The following ZBTB20 variants were observed in gnomAD, a reference collection of about 807,000 sequenced individuals.
The protein encoded by ZBTB20 is zinc finger and BTB domain-containing protein 20.
Under a neutral mutation model 56.9 loss-of-function variants are expected in ZBTB20, and 9 were observed. That is an observed-to-expected ratio of 0.16 (90% confidence interval 0.10 to 0.28). The LOEUF (loss-of-function observed/expected upper bound fraction) is 0.28, where lower values mean the gene tolerates loss of function less well. Among genes scored for constraint, ZBTB20 ranks in the 10% least tolerant of loss-of-function variants. The pLI is 1.00. For missense variants in ZBTB20, 655 were observed against 1,003.0 expected, an observed-to-expected ratio of 0.65 and a Z score of 4.69; for synonymous variants, 417 against 420.7, an observed-to-expected ratio of 0.99 and a Z score of 0.11.
intron 7 of ZBTB20, among the ~76,000 whole-genome samples, chr3:114,461,095 A>C (rs1212213324): frequency 6.6e-6 from 1 of 152,134 alleles, no homozygotes; most frequent in Non-Finnish European, 1.5e-5. Context: ...TCTCCAAGTT[A>C]ATCTACAACA....
intron 3 of ZBTB20, among the ~76,000 whole-genome samples, chr3:114,921,245 C>T (rs975356401): frequency 2.0e-5 from 3 of 152,136 alleles, no homozygotes; most frequent in African/African-American, 7.2e-5. Flanking sequence ...GCTTCAGCTT[C>T]CCAAGTAGCT....
At chr3:115,069,186 A>C (rs1304514834) in intron 2 of ZBTB20, among the ~76,000 whole-genome samples, 1 of 152,188 alleles carries the variant, frequency 6.6e-6, no homozygotes, top group East Asian at 1.9e-4. Flanking sequence ...CAGTCAGCAG[A>C]AGCATTTAGG....
At chr3:114,628,360 A>C (rs2107811380) in intron 6 of ZBTB20, among the ~76,000 whole-genome samples, 1 of 152,316 alleles carries the variant, frequency 6.6e-6, no homozygotes, top group African/African-American at 2.4e-5. Context: ...TTAGTGTAGC[A>C]GGGCATGGAG....
chr3:114,347,077 G>GTT (rs59044965), intron 11 of ZBTB20, among the ~76,000 whole-genome samples: 16 of 71,056 alleles, frequency 2.3e-4, no homozygotes, highest in East Asian at 7.6e-4. Flanking sequence ...TTCTCTTCAG[G>GTT]TTTTTTTTTT....
At chr3:114,895,636 C>T (rs2074844614) in intron 4 of ZBTB20, among the ~76,000 whole-genome samples, 1 of 152,020 alleles carries the variant, frequency 6.6e-6, no homozygotes, top group South Asian at 2.1e-4. Context: ...ATGTATGTGT[C>T]CCACACTTCC....
At chr3:114,916,429 G>A (rs925562935) in intron 3 of ZBTB20, among the ~76,000 whole-genome samples, 3 of 151,772 alleles carry the variant, frequency 2.0e-5, no homozygotes, top group South Asian at 2.1e-4. Context: ...TACATATTAC[G>A]TACATACCAG....
At chr3:115,096,635 G>C (rs1271284716) in intron 1 of ZBTB20, among the ~76,000 whole-genome samples, 2 of 152,204 alleles carry the variant, frequency 1.3e-5, no homozygotes, top group African/African-American at 4.8e-5. Context: ...GCCAGGTGCT[G>C]CTGCTTCAAC....
At chr3:114,486,835 G>A (rs1310865341) in intron 7 of ZBTB20, among the ~76,000 whole-genome samples, 1 of 152,132 alleles carries the variant, frequency 6.6e-6, no homozygotes, top group Non-Finnish European at 1.5e-5. Flanking sequence ...AAGTGTGAGA[G>A]GTAAGGTGAC....
chr3:114,646,154 G>A (rs750225634), intron 6 of ZBTB20, among the ~76,000 whole-genome samples: 5 of 144,474 alleles, frequency 3.5e-5, no homozygotes, highest in Admixed American at 1.4e-4. Flanking sequence ...AAAAAGAAGC[G>A]TTATGTGAAA....
chr3:114,970,361 T>G (rs1428894292), intron 3 of ZBTB20, among the ~76,000 whole-genome samples: 2 of 152,202 alleles, frequency 1.3e-5, no homozygotes, highest in African/African-American at 4.8e-5. Flanking sequence ...CATCTTATTA[T>G]CACTAAAGGA....
At chr3:114,635,247 G>A (rs575572397) in intron 6 of ZBTB20, among the ~76,000 whole-genome samples, 2 of 152,286 alleles carry the variant, frequency 1.3e-5, no homozygotes. Context: ...GAAGTGTAAA[G>A]GGCCTTGCCC....
intron 4 of ZBTB20, among the ~76,000 whole-genome samples, chr3:114,897,203 C>T (rs537881636): frequency 6.6e-6 from 1 of 152,182 alleles, no homozygotes; most frequent in South Asian, 2.1e-4. Flanking sequence ...TGATTGAGAC[C>T]ATACTAATAA....
intron 3 of ZBTB20, among the ~76,000 whole-genome samples, chr3:114,952,560 C>T (rs1411100524): frequency 6.6e-6 from 1 of 151,224 alleles, no homozygotes. Context: ...ATACATAAAC[C>T]CACAGAGTCA....
chr3:114,936,907 G>C (rs1281359530), intron 3 of ZBTB20, among the ~76,000 whole-genome samples: 1 of 152,112 alleles, frequency 6.6e-6, no homozygotes, highest in African/African-American at 2.4e-5. Flanking sequence ...AAGGGGAAGA[G>C]GTGTAGGTAA....
intron 6 of ZBTB20, among the ~76,000 whole-genome samples, chr3:114,599,916 T>C (rs2056628167): frequency 6.6e-6 from 1 of 151,874 alleles, no homozygotes; most frequent in African/African-American, 2.4e-5. Flanking sequence ...TTTCTAATAC[T>C]ATGGGGGGTG....
intron 5 of ZBTB20, among the ~76,000 whole-genome samples, chr3:114,713,495 C>T (rs1239715124): frequency 6.6e-6 from 1 of 152,146 alleles, no homozygotes; most frequent in African/African-American, 2.4e-5. Flanking sequence ...TATTATAAGA[C>T]AAACTGAGAC....
intron 6 of ZBTB20, among the ~76,000 whole-genome samples, chr3:114,546,738 A>G (rs1255479195): frequency 6.6e-6 from 1 of 152,154 alleles, no homozygotes; most frequent in African/African-American, 2.4e-5. Context: ...CTTGCTGGGA[A>G]TGAGGGAAAA....
chr3:115,125,875 T>C (rs1256735029), intron 1 of ZBTB20, among the ~76,000 whole-genome samples: 2 of 152,106 alleles, frequency 1.3e-5, no homozygotes, highest in East Asian at 3.8e-4. Context: ...ATAAAGCTAA[T>C]AATCATTTTT....
chr3:114,838,337 G>C (rs1379653609), intron 4 of ZBTB20, among the ~76,000 whole-genome samples: 1 of 152,106 alleles, frequency 6.6e-6, no homozygotes, highest in Admixed American at 6.5e-5. Context: ...AATTATATTA[G>C]CTTAAATATG....
Sources: allele counts gnomAD v4.1 joint callset (sites outside exome capture counted in the v4.1 genomes callset), GRCh38; gene constraint gnomAD v4.1.1; transcripts MANE v1.5; gene names NCBI Gene and HGNC (gene_info 2026-07-23, HGNC 2026-07-21).